The following FHAD1 variants were observed in gnomAD, a reference collection of about 807,000 sequenced individuals.
FHAD1 encodes forkhead associated phosphopeptide binding domain 1, also known as forkhead-associated domain-containing protein 1.
Under a neutral mutation model 191.3 loss-of-function variants are expected in FHAD1, and 146 were observed. The ratio of observed to expected loss-of-function variants is 0.76; its 90% CI spans 0.67 to 0.88. FHAD1 has a LOEUF of 0.88. Among genes scored for constraint, FHAD1 ranks in the 40% least tolerant of loss-of-function variants. The pLI, the probability that FHAD1 is intolerant of heterozygous loss-of-function variation, is 0.00. For synonymous variants in FHAD1, 616 were observed against 672.3 expected, an observed-to-expected ratio of 0.92 and a Z score of 1.29; for missense variants, 1,635 against 1,785.8, an observed-to-expected ratio of 0.92 and a Z score of 1.52.
At chr1:15,380,863 G>T in intron 29 of FHAD1, 67 bp downstream of exon 29, 2 of 1,171,914 alleles carry the variant, frequency 1.7e-6, no homozygotes, top group South Asian at 1.3e-5. Flanking sequence ...AGTGTTGAAC[G>T]CAGGATAGTT....
intron 6 of FHAD1, among the ~76,000 whole-genome samples, chr1:15,306,985 C>G (rs554325043): frequency 6.6e-6 from 1 of 152,192 alleles, no homozygotes; most frequent in East Asian, 1.9e-4. Flanking sequence ...TGGCTTGAAT[C>G]GTACTCCTGG....
chr1:15,324,381 C>T, intron 10 of FHAD1, 71 bp from the exon 11 acceptor site: 2 of 1,231,976 alleles, frequency 1.6e-6, no homozygotes, highest in Non-Finnish European at 2.3e-6. Flanking sequence ...CATTAGACAT[C>T]CTAGAGGAAT....
At chr1:15,393,852 G>A (rs1570674440) in intron 33 of FHAD1, among the ~76,000 whole-genome samples, 1 of 151,988 alleles carries the variant, frequency 6.6e-6, no homozygotes, top group Middle Eastern at 3.4e-3. Context: ...CCCCTGAACT[G>A]AGCTGAGCAT....
chr1:15,388,916 G>T (rs1703059294), intron 32 of FHAD1, among the ~76,000 whole-genome samples: 1 of 152,210 alleles, frequency 6.6e-6, no homozygotes, highest in African/African-American at 2.4e-5. Flanking sequence ...ACAGATCGAT[G>T]TCATCACATC....
chr1:15,265,887 C>G (rs1284678376), intron 2 of FHAD1, among the ~76,000 whole-genome samples: 1 of 145,400 alleles, frequency 6.9e-6, no homozygotes, highest in Admixed American at 7.2e-5. Context: ...AGGAGAATTG[C>G]TTGAACCTGG....
intron 3 of FHAD1, among the ~76,000 whole-genome samples, chr1:15,286,195 AT>A (rs922763450): frequency 6.6e-6 from 1 of 152,258 alleles, no homozygotes; most frequent in African/African-American, 2.4e-5. Flanking sequence ...TTTGTTATGT[AT>A]TTTTTTACAA....
intron 11 of FHAD1, 86 bp from the exon 12 acceptor site, chr1:15,326,972 TG>T: frequency 1.3e-6 from 1 of 758,880 alleles, no homozygotes; most frequent in Non-Finnish European, 2.3e-6. Context: ...TGCTAAGTGG[TG>T]TTTCCCGCAC....
At chr1:15,294,035 C>T (rs1666035186) in intron 4 of FHAD1, among the ~76,000 whole-genome samples, 1 of 152,194 alleles carries the variant, frequency 6.6e-6, no homozygotes, top group South Asian at 2.1e-4. Flanking sequence ...CGCTCCCAAA[C>T]TTCCACCGTG....
chr1:15,310,666 C>T (rs1219885259), intron 7 of FHAD1, among the ~76,000 whole-genome samples: 1 of 152,216 alleles, frequency 6.6e-6, no homozygotes, highest in Non-Finnish European at 1.5e-5. Context: ...CGATCAGAAT[C>T]TTCATTTTCA....
intron 2 of FHAD1, among the ~76,000 whole-genome samples, chr1:15,259,470 C>T (rs1397262598): frequency 1.3e-5 from 2 of 152,162 alleles, no homozygotes; most frequent in Non-Finnish European, 2.9e-5. Flanking sequence ...AACGCTTCTA[C>T]TCAAAGATAC....
chr1:15,296,723 C>G lies in FHAD1; in HGVS notation c.608C>G (p.Ala203Gly), dbSNP rs1309795593. The change falls in exon 5 of 34, where the codon GCC becomes GGC. Residue 203 changes from alanine (A) to glycine (G), a missense_variant. Coordinates refer to ENST00000688493, the MANE Select transcript of FHAD1 (RefSeq NM_001391957.1). Reference protein sequence around the residue: ...NAMKLSEKSVAEGIPGAVPPA... With the variant: ...NAMKLSEKSVGEGIPGAVPPA... ...ATGAAACTGTCAGAAAAATCAGTGGCCGAGGGGATTCCTGGGGCAGTTCCC... is the reference window on the plus strand; with the variant it reads ...ATGAAACTGTCAGAAAAATCAGTGGGCGAGGGGATTCCTGGGGCAGTTCCC... 4 of 1,551,896 alleles carry G rather than the reference C, an allele frequency of 2.6e-6. No homozygotes were observed. The East Asian group carries it at 7.3e-5, about 28-fold the overall frequency.
chr1:15,322,775 A>G (rs542146681), intron 10 of FHAD1, among the ~76,000 whole-genome samples: 4 of 152,340 alleles, frequency 2.6e-5, no homozygotes, highest in African/African-American at 9.6e-5. Flanking sequence ...AAGGAAATAA[A>G]TTAGAGGCAA....
In FHAD1 at chr1:15,381,916, C is replaced by G. The variant is rs919453519; in HGVS notation, c.4023-112C>G. On this transcript the variant is annotated intron_variant, in intron 30 of 33. Transcript: ENST00000688493. This position sits in a 1 kb window ranked among gnomAD's most constrained non-coding sequence, Gnocchi z 4.6. ...ATGCTCTCCTGCTTGTGATGACACT[C>G]CTGAGTGAGCCCCCACTGTGGATGT... is the stretch of plus-strand genomic sequence containing the variant. 2.1e-5 allele frequency: 25 copies of G among 1,192,638 alleles called. No individual in the cohort carries two copies. Among genetic ancestry groups the G allele is most frequent in the Non-Finnish European group, 2.8e-5 (24 of 848,494 alleles). 73.9% of individuals were successfully genotyped at this position (1,192,638 alleles called of 1,614,324 possible). A position where few individuals can be genotyped will look rare whatever the true frequency, so the allele number is the denominator to read the frequency against.
At chr1:15,244,084 C>T (rs78641803), upstream of FHAD1, among the ~76,000 whole-genome samples, 10,789 of 151,898 alleles carry the variant, frequency 0.071, 472 homozygotes, top group Non-Finnish European at 0.098. This position sits in a 1 kb window ranked among gnomAD's most constrained non-coding sequence, Gnocchi z 5.1. Flanking sequence ...TTTTTAATGC[C>T]GCATCACTGT....
intron 11 of FHAD1, chr1:15,324,763 C>G: frequency 1.7e-6 from 1 of 583,568 alleles, no homozygotes; most frequent in Non-Finnish European, 3.1e-6. Flanking sequence ...TGGGAGGCCT[C>G]CCACTCGAAT....
intron 2 of FHAD1, among the ~76,000 whole-genome samples, chr1:15,258,750 T>TG (rs1182845110): frequency 4.2e-5 from 3 of 70,886 alleles, no homozygotes; most frequent in East Asian, 2.0e-3. Flanking sequence ...CACGCCCGGC[T>TG]AATTTTTTTG....
At chr1:15,334,779 A>G (rs1683308680) in intron 14 of FHAD1, 1 of 152,246 alleles carries the variant, frequency 6.6e-6, no homozygotes, top group Admixed American at 6.5e-5. Flanking sequence ...GTTTACTTGC[A>G]CCCAGGTAAC....
intron 25 of FHAD1, among the ~76,000 whole-genome samples, chr1:15,367,956 T>C (rs1362568519): frequency 6.6e-6 from 1 of 151,968 alleles, no homozygotes; most frequent in Non-Finnish European, 1.5e-5. Flanking sequence ...TTTGCCTGTT[T>C]TGTTGTTGTT....
rs1393709755 is a variant in FHAD1 at position 15,289,374 on chromosome 1, C to T, written c.301-25C>T. On this transcript the variant is annotated intron_variant, in intron 3 of 33. Transcript: ENST00000688493. The surrounding 1 kb of genome is among the most constrained non-coding windows in gnomAD (Gnocchi z 4.2). Reference sequence around the variant, plus strand: ...GACCATCCCAGCCGGTCATAACCTCCCCTGACCCTTGTCTGCCCCTGCAGG... The same window carrying T: ...GACCATCCCAGCCGGTCATAACCTCTCCTGACCCTTGTCTGCCCCTGCAGG... 1.3e-6 allele frequency: 2 copies of T among 1,548,758 alleles called. No individual in the cohort carries two copies. Among genetic ancestry groups the T allele is most frequent in the African/African-American group, 2.7e-5 (2 of 73,012 alleles).
Sources: allele counts gnomAD v4.1 joint callset (sites outside exome capture counted in the v4.1 genomes callset), GRCh38; gene constraint gnomAD v4.1.1; non-coding constraint Gnocchi (gnomAD v3.1); transcripts MANE v1.5; gene names NCBI Gene and HGNC (gene_info 2026-07-23, HGNC 2026-07-21).